The following MBP variants were observed in gnomAD, a reference collection of about 807,000 sequenced individuals.
MBP encodes the protein myelin basic protein.
Under a neutral mutation model 35.8 loss-of-function variants are expected in MBP, and 16 were observed. That is an observed-to-expected ratio of 0.45 (90% confidence interval 0.30 to 0.68). The LOEUF (loss-of-function observed/expected upper bound fraction) is 0.68. MBP is among the 30% of genes least tolerant of loss of function. MBP has a pLI of 0.08. For synonymous variants in MBP, 143 were observed against 159.6 expected (o/e 0.90, Z 0.78); for missense variants, 380 against 404.7 (o/e 0.94, Z 0.52).
rs1328346070 is a variant in MBP, at chr18:77,040,848, T to C, written c.140-23580A>G. On this transcript the variant is annotated intron_variant, in intron 3 of 8. Transcript: ENST00000355994. ...AATTCCTAGAAGAAAACCTAGGCAA[T>C]ACCATTGAGGACATAGGCATGGGCA... Among the ~76,000 whole-genome samples, 3 of 152,226 alleles carry C rather than the reference T, an allele frequency of 2.0e-5. No individual in the cohort carries two copies. In the East Asian group the frequency reaches 5.8e-4, roughly 29 times the overall value.
At chr18:76,992,905 G>A (rs1005950827) in intron 4 of MBP, among the ~76,000 whole-genome samples, 2 of 152,152 alleles carry the variant, frequency 1.3e-5, no homozygotes, top group African/African-American at 4.8e-5. Context: ...TGGATGGGCT[G>A]TGCATCCTCT....
intron 2 of MBP, among the ~76,000 whole-genome samples, chr18:77,098,832 G>A (rs1250185831): frequency 2.0e-5 from 3 of 152,206 alleles, no homozygotes; most frequent in African/African-American, 7.2e-5. Flanking sequence ...ATTTAAACGG[G>A]CCGTTCCTTG....
At chr18:77,059,243 T>A (rs948777520) in intron 3 of MBP, among the ~76,000 whole-genome samples, 1 of 152,284 alleles carries the variant, frequency 6.6e-6, no homozygotes, top group African/African-American at 2.4e-5. Context: ...ATATGGAATA[T>A]TAAGGAGCTA....
At chr18:77,049,858 T>G (rs1973412368) in intron 3 of MBP, among the ~76,000 whole-genome samples, 1 of 152,028 alleles carries the variant, frequency 6.6e-6, no homozygotes, top group African/African-American at 2.4e-5. Flanking sequence ...TTTTGTATTT[T>G]TAGTAGAGAT....
intron 8 of MBP, 105 bp downstream of exon 8, chr18:76,984,670 A>C (rs1969431551): frequency 2.7e-6 from 4 of 1,496,126 alleles, no homozygotes; most frequent in Non-Finnish European, 3.7e-6. Flanking sequence ...TCCAGGGTAC[A>C]GTGCGGCTGA....
intron 2 of MBP, among the ~76,000 whole-genome samples, chr18:77,069,739 TGA>T (rs2144830760): frequency 6.6e-6 from 1 of 152,296 alleles, no homozygotes; most frequent in African/African-American, 2.4e-5. Flanking sequence ...AGCATAAGCA[TGA>T]GGAGGAATTT....
intron 2 of MBP, 88 bp downstream of exon 2, chr18:77,105,123 C>T: frequency 2.5e-6 from 3 of 1,197,060 alleles, no homozygotes; most frequent in South Asian, 2.4e-5. Flanking sequence ...GCAGCAAGAG[C>T]CCATGCCCGT....
intron 3 of MBP, among the ~76,000 whole-genome samples, chr18:77,063,890 A>G (rs1027217354): frequency 2.5e-5 from 3 of 121,784 alleles, no homozygotes; most frequent in African/African-American, 1.0e-4. Flanking sequence ...ATATATACCT[A>G]TACATATGTG....
intron 4 of MBP, among the ~76,000 whole-genome samples, chr18:76,996,460 C>T (rs1970275966): frequency 6.6e-6 from 1 of 152,186 alleles, no homozygotes; most frequent in African/African-American, 2.4e-5. Context: ...TCACTAAAAC[C>T]TTCAAACAAC....
At chr18:77,033,140 G>T (rs1043568150) in intron 3 of MBP, among the ~76,000 whole-genome samples, 7 of 152,022 alleles carry the variant, frequency 4.6e-5, no homozygotes, top group Non-Finnish European at 1.0e-4. Flanking sequence ...GATAATTTTT[G>T]TACTTTTAGT....
chr18:77,019,643 GC>G (rs1320962432), intron 3 of MBP, among the ~76,000 whole-genome samples: 1 of 152,214 alleles, frequency 6.6e-6, no homozygotes, highest in East Asian at 1.9e-4. Context: ...TGTCTTGGCA[GC>G]CCCAACTCAT....
chr18:76,989,060 G>A lies in MBP; in HGVS notation c.682-148C>T. 1.3e-6 allele frequency: 1 copy of A among 774,356 alleles called. No homozygotes were observed. The highest frequency in any genetic ancestry group is 2.4e-6 in the Non-Finnish European group (1 of 420,088). 48.0% of individuals were successfully genotyped at this position (774,356 alleles called of 1,614,324 possible). On this transcript the variant is annotated intron_variant, in intron 5 of 8. Coordinates refer to ENST00000355994, the MANE Select transcript of MBP (RefSeq NM_001025101.2). This position sits in a 1 kb window ranked among gnomAD's most constrained non-coding sequence, Gnocchi z 4.0. Reference sequence around the variant, plus strand: ...CAGCCTCCCCACTTCTGTCCTAGTTGGTGAAGAAGTATAGACCTGAGATTG... The same window carrying A: ...CAGCCTCCCCACTTCTGTCCTAGTTAGTGAAGAAGTATAGACCTGAGATTG...
intron 3 of MBP, among the ~76,000 whole-genome samples, chr18:77,052,695 C>T (rs893872601): frequency 1.3e-5 from 2 of 152,148 alleles, no homozygotes; most frequent in East Asian, 1.9e-4. Context: ...TGTCCCCCAC[C>T]CATCCACACG....
intron 3 of MBP, among the ~76,000 whole-genome samples, chr18:77,036,260 A>G (rs1332182028): frequency 3.6e-5 from 4 of 111,612 alleles, no homozygotes; most frequent in African/African-American, 7.5e-5. Context: ...TGCTGGTCAC[A>G]TTTTGGAGGA....
intron 2 of MBP, among the ~76,000 whole-genome samples, chr18:77,069,761 T>C (rs57222674): frequency 0.13 from 19,859 of 152,096 alleles, 2,744 homozygotes; most frequent in African/African-American, 0.35. Flanking sequence ...TTGTGTCCTG[T>C]GCGCCAGCTT....
At chr18:77,078,133 A>C (rs1054603192) in intron 2 of MBP, among the ~76,000 whole-genome samples, 2 of 152,200 alleles carry the variant, frequency 1.3e-5, no homozygotes, top group East Asian at 3.9e-4. Context: ...TCCCAAACCA[A>C]CCCTCAAACC....
chr18:77,004,087 T>C (rs1315909785), intron 4 of MBP: 1 of 152,206 alleles, frequency 6.6e-6, no homozygotes, highest in African/African-American at 2.4e-5. Flanking sequence ...AGACGACACA[T>C]CCGACTGTAA....
At position 76,979,920 on chromosome 18, in the gene MBP, A is replaced by G; in HGVS notation, c.*507T>C. 1 of 701,442 alleles carries G rather than the reference A, an allele frequency of 1.4e-6. No homozygotes were observed. The highest frequency in any genetic ancestry group is 2.6e-6 in the Non-Finnish European group (1 of 384,624). 43.5% of individuals were successfully genotyped at this position (701,442 alleles called of 1,614,324 possible). The stretch of plus-strand genomic sequence containing the variant: ...CACTCCTTGACTGTCTAATCCTGTT[A>G]GGAAAAATGAAGTCTACTTTAGGAG... On this transcript the variant is annotated 3_prime_UTR_variant, in exon 9 of 9. Coordinates refer to ENST00000355994, the MANE Select transcript of MBP (RefSeq NM_001025101.2).
intron 4 of MBP, 165 bp downstream of exon 4, chr18:77,016,667 C>G: frequency 2.8e-6 from 4 of 1,430,108 alleles, no homozygotes; most frequent in Non-Finnish European, 3.7e-6. Flanking sequence ...TAAGCAGCCA[C>G]TCAGGCCCAC....
Sources: gnomAD v4.1 joint callset for allele counts (sites outside exome capture counted in the v4.1 genomes callset) on GRCh38, gnomAD v4.1.1 for gene constraint, Gnocchi (gnomAD v3.1) non-coding constraint, MANE v1.5 for transcripts, NCBI Gene and HGNC (gene_info 2026-07-23, HGNC 2026-07-21) for gene names.